Variants in CPNE3 observed in about 807,000 individuals in gnomAD.
The protein encoded by CPNE3 is copine-3.
In CPNE3, 68 loss-of-function variants were observed where a neutral mutation model predicts 63.9. The ratio of observed to expected loss-of-function variants is 1.06; its 90% confidence interval spans 0.87 to 1.30. The LOEUF is 1.30. CPNE3 is among the 50% of genes most tolerant of loss of function. CPNE3 has a pLI of 0.00. For missense variants in CPNE3, 665 were observed against 578.1 expected, an observed-to-expected ratio of 1.15 and a Z score of -1.54; for synonymous variants, 219 against 197.5, an observed-to-expected ratio of 1.11 and a Z score of -0.91.
chr8:86,527,419 A>G (rs930238125), intron 2 of CPNE3, among the ~76,000 whole-genome samples: 1 of 152,046 alleles, frequency 6.6e-6, no homozygotes, highest in Admixed American at 6.6e-5. Context: ...GCTCCATCCC[A>G]TCCCCAGTCC....
At chr8:86,526,904 T>A (rs34473043) in intron 2 of CPNE3, among the ~76,000 whole-genome samples, 7,746 of 152,272 alleles carry the variant, frequency 0.051, 313 homozygotes, top group African/African-American at 0.1. Context: ...AATCTTAGTA[T>A]TGATTTTTGA....
Position 86,532,498 on chromosome 8 carries a change from T to C in CPNE3, c.388-11T>C. 1 of 1,604,114 alleles carries C rather than the reference T, an allele frequency of 6.2e-7. No individual in the cohort carries two copies. The highest frequency in any genetic ancestry group is 8.5e-7 in the Non-Finnish European group (1 of 1,175,404). ...AACATATTTTCTTTCACTTACCTGA[T>C]CTACTCATAGATTTCAGCTGAAGAA... On this transcript the variant is annotated splice_polypyrimidine_tract_variant and intron_variant, in intron 5 of 16. Transcript: ENST00000517490.
intron 14 of CPNE3, among the ~76,000 whole-genome samples, chr8:86,553,561 C>G (rs942256727): frequency 7.9e-5 from 12 of 152,106 alleles, no homozygotes; most frequent in Non-Finnish European, 2.9e-5. Flanking sequence ...GAGTAATAGG[C>G]TATACCATCT....
chr8:86,546,690 G>C lies in CPNE3; in HGVS notation c.819+9G>C, dbSNP rs368550191. ...GTGTGAAACAGTGTGAGGTCCGTTG[G>C]CCTTGGCTACTTATTTTTATTTATT... On this transcript the variant is annotated intron_variant, in intron 10 of 16. Coordinates refer to ENST00000517490, the MANE Select transcript of CPNE3 (RefSeq NM_003909.5). 13 of 1,583,806 alleles carry C rather than the reference G, an allele frequency of 8.2e-6. No homozygotes were observed. Among genetic ancestry groups the C allele is most frequent in the Non-Finnish European group, 9.4e-6 (11 of 1,171,828 alleles).
intron 4 of CPNE3, among the ~76,000 whole-genome samples, chr8:86,529,615 C>T (rs936904688): frequency 1.3e-5 from 2 of 152,162 alleles, no homozygotes; most frequent in Admixed American, 6.5e-5. Flanking sequence ...CCTGAGCTCA[C>T]TTGGTACTTA....
At chr8:86,554,807 T>G in intron 14 of CPNE3, 44 bp from the exon 15 acceptor site, 1 of 1,604,682 alleles carries the variant, frequency 6.2e-7, no homozygotes, top group Non-Finnish European at 8.5e-7. Flanking sequence ...CACATTGTGC[T>G]TGAGAATTTT....
At chr8:86,537,460 A>C (rs1820824389) in intron 6 of CPNE3, 103 bp from the exon 7 acceptor site, 1 of 738,494 alleles carries the variant, frequency 1.4e-6, no homozygotes, top group Admixed American at 1.8e-5. Flanking sequence ...AATACTATAG[A>C]GTTAGACTTC....
intron 2 of CPNE3, among the ~76,000 whole-genome samples, chr8:86,528,140 A>C (rs1030339862): frequency 2.0e-5 from 3 of 151,546 alleles, no homozygotes; most frequent in African/African-American, 7.3e-5. Context: ...AGTAGAGACG[A>C]GGTCTTGCTG....
chr8:86,558,668 T>A lies in CPNE3; in HGVS notation c.*258T>A, dbSNP rs1821374889. ...AAGCTCTTTGGATTAGAAATTAGTG[T>A]GGGGAAAGCTTATTCTGTTGTTGTT... On this transcript the variant is annotated 3_prime_UTR_variant, in exon 17 of 17. Transcript: ENST00000517490. 1 of 375,624 alleles carries A rather than the reference T, an allele frequency of 2.7e-6. No individual in the cohort carries two copies. The highest frequency in any genetic ancestry group is 4.9e-6 in the Non-Finnish European group (1 of 202,536). The allele number at this position is 375,624 out of a possible 1,614,324, so 23.3% of individuals were successfully genotyped here. A position where few individuals can be genotyped will look rare whatever the true frequency, so the allele number is the denominator to read the frequency against.
rs776506749 is a variant in CPNE3 at position 86,545,122 on chromosome 8, A to T, written c.732+284A>T. ...GTCAGTCATTAGGAATAGAAGTCCAATCCTTTTGCCTATTGTATCATCGTA... is the reference window on the plus strand; with the variant it reads ...GTCAGTCATTAGGAATAGAAGTCCATTCCTTTTGCCTATTGTATCATCGTA... On this transcript the variant is annotated intron_variant, in intron 9 of 16. Transcript: ENST00000517490. The T allele has an allele frequency of 7.4e-5, 15 of 203,804 alleles. 1 individual carries two copies. Among genetic ancestry groups the T allele is most frequent in the Admixed American group, 4.7e-4 (8 of 16,910 alleles). 12.6% of individuals were successfully genotyped at this position (203,804 alleles called of 1,614,324 possible). A position where few individuals can be genotyped will look rare whatever the true frequency, so the allele number is the denominator to read the frequency against.
chr8:86,547,882 A>T, intron 11 of CPNE3, 112 bp downstream of exon 11: 2 of 650,656 alleles, frequency 3.1e-6, no homozygotes, highest in Non-Finnish European at 2.7e-6. Flanking sequence ...TGTTTAGCAT[A>T]GTCCTCTTAG....
chr8:86,534,468 C>T lies in CPNE3; in HGVS notation c.459+1888C>T, dbSNP rs537402920. On this transcript the variant is annotated intron_variant, in intron 6 of 16. Coordinates refer to ENST00000517490, the MANE Select transcript of CPNE3 (RefSeq NM_003909.5). ...GTCAGGAGTTTGAGATCAGCCTGGC[C>T]AACATGGTGAAACACCATCTCTACT... Among the ~76,000 whole-genome samples, 10 of 152,152 alleles carry T rather than the reference C, an allele frequency of 6.6e-5. No homozygotes were observed. The South Asian group carries it at 1.9e-3, about 28-fold the overall frequency.
chr8:86,543,869 C>T (rs1456109766), intron 8 of CPNE3, among the ~76,000 whole-genome samples: 1 of 152,078 alleles, frequency 6.6e-6, no homozygotes, highest in Non-Finnish European at 1.5e-5. Flanking sequence ...CAATTTTCAG[C>T]TTCCCTTGAA....
At chr8:86,554,793 T>C in intron 14 of CPNE3, 58 bp from the exon 15 acceptor site, 1 of 1,591,850 alleles carries the variant, frequency 6.3e-7, no homozygotes, top group Non-Finnish European at 8.6e-7. Context: ...GTATTGTGAA[T>C]AAACACATTG....
In CPNE3 at chr8:86,558,412, C is replaced by G; in HGVS notation, c.*2C>G. The G allele has an allele frequency of 1.1e-6, 1 of 872,882 alleles. No individual in the cohort carries two copies. Among genetic ancestry groups the G allele is most frequent in the Non-Finnish European group, 2.0e-6 (1 of 501,632 alleles). The allele number at this position is 872,882 out of a possible 1,614,324, so 54.1% of individuals were successfully genotyped here. A position where few individuals can be genotyped will look rare whatever the true frequency, so the allele number is the denominator to read the frequency against. ...GCCACGAAACAACAGAAGCAGTGACCACTTCAACAGAATTCTTTTGTGTTA... is the reference window on the plus strand; with the variant it reads ...GCCACGAAACAACAGAAGCAGTGACGACTTCAACAGAATTCTTTTGTGTTA... On this transcript the variant is annotated 3_prime_UTR_variant, in exon 17 of 17. Coordinates refer to ENST00000517490, the MANE Select transcript of CPNE3 (RefSeq NM_003909.5).
Position 86,558,575 on chromosome 8 carries a change from G to T in CPNE3, c.*165G>T, listed in dbSNP as rs1180152499. On this transcript the variant is annotated 3_prime_UTR_variant, in exon 17 of 17. Coordinates refer to ENST00000517490, the MANE Select transcript of CPNE3 (RefSeq NM_003909.5). ...GCATTCTTTCTAGGTTATTTTGGGG[G>T]GACAGTGCCAAGTCCATCTTTGCCC... 7 of 587,852 alleles carry T rather than the reference G, an allele frequency of 1.2e-5. No homozygotes were observed. Among genetic ancestry groups the T allele is most frequent in the Non-Finnish European group, 1.8e-5 (6 of 331,420 alleles). 36.4% of individuals were successfully genotyped at this position (587,852 alleles called of 1,614,324 possible).
At chr8:86,522,773 G>T (rs1820464514) in intron 2 of CPNE3, among the ~76,000 whole-genome samples, 1 of 151,944 alleles carries the variant, frequency 6.6e-6, no homozygotes, top group South Asian at 2.1e-4. Context: ...GAACTTCTGA[G>T]AATTTTTTAC....
intron 7 of CPNE3, among the ~76,000 whole-genome samples, chr8:86,539,628 C>A (rs1586840192): frequency 6.6e-6 from 1 of 150,384 alleles, no homozygotes; most frequent in African/African-American, 2.4e-5. Flanking sequence ...CAATGAAACC[C>A]TCATTGCTAT....
intron 7 of CPNE3, among the ~76,000 whole-genome samples, chr8:86,539,816 C>T (rs905736842): frequency 1.3e-5 from 2 of 152,006 alleles, no homozygotes; most frequent in Admixed American, 6.6e-5. Flanking sequence ...GCATGCACCA[C>T]CACACCCAGC....
Sources: gnomAD v4.1 joint callset for allele counts (sites outside exome capture counted in the v4.1 genomes callset) on GRCh38, gnomAD v4.1.1 for gene constraint, MANE v1.5 for transcripts, NCBI Gene and HGNC (gene_info 2026-07-23, HGNC 2026-07-21) for gene names.